Variants in SLAIN2 observed in about 807,000 individuals in gnomAD.
The protein encoded by SLAIN2 is SLAIN motif-containing protein 2.
SLAIN2 carries 31 observed loss-of-function variants against 56.6 expected under a neutral mutation model. The ratio of observed to expected loss-of-function variants is 0.55; its 90% CI spans 0.41 to 0.74. The LOEUF (loss-of-function observed/expected upper bound fraction) is 0.74, where lower values mean the gene tolerates loss of function less well. Among genes scored for constraint, SLAIN2 ranks in the 30% least tolerant of loss-of-function variants. The probability of loss-of-function intolerance (pLI) is 0.00; values close to 1 mark genes in which losing one functional copy is unlikely to be tolerated. For missense variants in SLAIN2, 777 were observed against 754.2 expected, an observed-to-expected ratio of 1.03 and a Z score of -0.35; for synonymous variants, 317 against 284.9, an observed-to-expected ratio of 1.11 and a Z score of -1.13.
At chr4:48,370,045 T>G in intron 2 of SLAIN2, 48 bp downstream of exon 2, 1 of 1,575,482 alleles carries the variant, frequency 6.3e-7, no homozygotes, top group Non-Finnish European at 8.7e-7. Flanking sequence ...CTTTCTTTAG[T>G]CAAAAACCAT....
intron 1 of SLAIN2, among the ~76,000 whole-genome samples, chr4:48,359,269 TACTC>T (rs1712066830): frequency 6.6e-6 from 1 of 152,212 alleles, no homozygotes; most frequent in Non-Finnish European, 1.5e-5. Context: ...GAATGTACCT[TACTC>T]AGTGAATAGG....
intron 7 of SLAIN2, among the ~76,000 whole-genome samples, chr4:48,421,097 C>T (rs1717135804): frequency 6.6e-6 from 1 of 151,996 alleles, no homozygotes; most frequent in Admixed American, 6.6e-5. Flanking sequence ...CTCACTGCAG[C>T]CTTGACCTCC....
At position 48,341,732 on chromosome 4, in the gene SLAIN2, G is replaced by C; in HGVS notation, c.-8G>C. ...GGCGGCGGAGGCGGCGGCGGCGGCG[G>C]GGCCGGGATGGAGGACGTTAACTCC... is the stretch of plus-strand genomic sequence containing the variant. On this transcript the variant is annotated 5_prime_UTR_variant, in exon 1 of 8. Coordinates refer to ENST00000264313, the MANE Select transcript of SLAIN2 (RefSeq NM_020846.2). The C allele has an allele frequency of 6.5e-6, 10 of 1,527,982 alleles. No homozygotes were observed. The highest frequency in any genetic ancestry group is 7.9e-6 in the Non-Finnish European group (9 of 1,137,722). 94.7% of individuals were successfully genotyped at this position (1,527,982 alleles called of 1,614,324 possible). A position where few individuals can be genotyped will look rare whatever the true frequency, so the allele number is the denominator to read the frequency against.
At chr4:48,386,126 A>G (rs1716094012) in intron 6 of SLAIN2, among the ~76,000 whole-genome samples, 1 of 151,216 alleles carries the variant, frequency 6.6e-6, no homozygotes, top group Non-Finnish European at 1.5e-5. Flanking sequence ...AAAAAACTAT[A>G]TTTGAATCAA....
At chr4:48,389,808 T>A (rs1446640766) in intron 6 of SLAIN2, among the ~76,000 whole-genome samples, 1 of 152,146 alleles carries the variant, frequency 6.6e-6, no homozygotes, top group Non-Finnish European at 1.5e-5. Context: ...GGATGATAGC[T>A]ATAGAGACAG....
intron 6 of SLAIN2, 184 bp downstream of exon 6, chr4:48,383,968 T>C: frequency 1.7e-6 from 1 of 598,026 alleles, no homozygotes; most frequent in Non-Finnish European, 2.8e-6. Flanking sequence ...ATTTAAAATT[T>C]TCTATGTAGG....
intron 1 of SLAIN2, among the ~76,000 whole-genome samples, chr4:48,369,159 A>C (rs1362820464): frequency 6.6e-6 from 1 of 152,212 alleles, no homozygotes; most frequent in Non-Finnish European, 1.5e-5. Context: ...CTTGAAATAA[A>C]TTAATAGTAA....
chr4:48,406,814 T>C (rs1716710121), intron 6 of SLAIN2, among the ~76,000 whole-genome samples: 1 of 152,152 alleles, frequency 6.6e-6, no homozygotes, highest in African/African-American at 2.4e-5. Flanking sequence ...ATTGTCTAGA[T>C]ATGAAATCTT....
rs1348576108 is a variant in SLAIN2 at position 48,423,385 on chromosome 4, A to G, written c.*1308A>G. ...AATTTTATCAGACTTTTACCAGAGT[A>G]AAACTTGCTTCTGTAGCAGGCCTCT... On this transcript the variant is annotated 3_prime_UTR_variant, in exon 8 of 8. Transcript: ENST00000264313. The G allele has an allele frequency of 6.6e-6, 1 of 152,182 alleles. No individual in the cohort carries two copies. Among genetic ancestry groups the G allele is most frequent in the Non-Finnish European group, 1.5e-5 (1 of 68,012 alleles). The allele number at this position is 152,182 out of a possible 1,614,324, so 9.4% of individuals were successfully genotyped here. A position where few individuals can be genotyped will look rare whatever the true frequency, so the allele number is the denominator to read the frequency against.
chr4:48,345,414 C>T (rs78350467), intron 1 of SLAIN2, among the ~76,000 whole-genome samples: 3,677 of 152,160 alleles, frequency 0.024, 166 homozygotes, highest in African/African-American at 0.084. Flanking sequence ...TGCTCATTGT[C>T]ATTATACATG....
intron 6 of SLAIN2, among the ~76,000 whole-genome samples, chr4:48,408,879 GCC>G (rs879521493): frequency 6.6e-6 from 1 of 152,054 alleles, no homozygotes; most frequent in Non-Finnish European, 1.5e-5. Flanking sequence ...CATGGAAAGT[GCC>G]CTATACAGAT....
intron 1 of SLAIN2, among the ~76,000 whole-genome samples, chr4:48,367,874 A>C (rs1560454241): frequency 6.6e-6 from 1 of 152,104 alleles, no homozygotes; most frequent in Admixed American, 6.5e-5. Flanking sequence ...CATAATTATC[A>C]CTATCATATA....
chr4:48,402,475 T>C (rs933221204), intron 6 of SLAIN2, among the ~76,000 whole-genome samples: 1 of 152,212 alleles, frequency 6.6e-6, no homozygotes, highest in African/African-American at 2.4e-5. Flanking sequence ...TTTTTCTCTA[T>C]TCTTTTCTGC....
At chr4:48,373,006 C>T (rs991049639) in intron 2 of SLAIN2, among the ~76,000 whole-genome samples, 4 of 152,040 alleles carry the variant, frequency 2.6e-5, no homozygotes, top group African/African-American at 9.7e-5. Context: ...CACTATCACT[C>T]GTTCCTAAAA....
At chr4:48,414,548 GTA>G (rs1369665486) in intron 6 of SLAIN2, among the ~76,000 whole-genome samples, 11 of 101,438 alleles carry the variant, frequency 1.1e-4, no homozygotes, top group South Asian at 4.4e-4. Context: ...AATTGGTGTG[GTA>G]TTTTTTTTTT....
chr4:48,346,141 T>G (rs1048736216), intron 1 of SLAIN2, among the ~76,000 whole-genome samples: 1 of 152,254 alleles, frequency 6.6e-6, no homozygotes, highest in Non-Finnish European at 1.5e-5. Context: ...TGTTCTAGCA[T>G]TTCATGTATC....
At chr4:48,403,417 C>T (rs75800503) in intron 6 of SLAIN2, among the ~76,000 whole-genome samples, 3,866 of 152,186 alleles carry the variant, frequency 0.025, 60 homozygotes, top group Admixed American at 0.044. Context: ...GAAATTCTCA[C>T]AGGGAGGCCT....
At chr4:48,388,561 A>C (rs1716157785) in intron 6 of SLAIN2, among the ~76,000 whole-genome samples, 1 of 152,216 alleles carries the variant, frequency 6.6e-6, no homozygotes, top group South Asian at 2.1e-4. Context: ...TTATTTTTAT[A>C]GAAAGGGAAC....
At chr4:48,363,914 A>G (rs1370467690) in intron 1 of SLAIN2, among the ~76,000 whole-genome samples, 5 of 98,214 alleles carry the variant, frequency 5.1e-5, no homozygotes, top group East Asian at 3.1e-4. Flanking sequence ...ACGGCTGGCC[A>G]GGCGGGGGGC....
Sources: allele counts gnomAD v4.1 joint callset (sites outside exome capture counted in the v4.1 genomes callset), GRCh38; gene constraint gnomAD v4.1.1; transcripts MANE v1.5; gene names NCBI Gene and HGNC (gene_info 2026-07-23, HGNC 2026-07-21).